Variants in TTC3 observed in about 807,000 individuals in gnomAD.
The protein encoded by TTC3 is E3 ubiquitin-protein ligase TTC3.
Under a neutral mutation model 249.6 loss-of-function variants are expected in TTC3, and 180 were observed. The ratio of observed to expected loss-of-function variants is 0.72; its 90% CI spans 0.64 to 0.82. The LOEUF (loss-of-function observed/expected upper bound fraction) is 0.82, where lower values mean the gene tolerates loss of function less well. Ranked by LOEUF, TTC3 falls within the 40% of genes least tolerant of loss-of-function variation. The pLI is 0.00. For missense variants in TTC3, 2,061 were observed against 2,398.4 expected, an observed-to-expected ratio of 0.86 and a Z score of 2.94; for synonymous variants, 717 against 805.0, an observed-to-expected ratio of 0.89 and a Z score of 1.85.
intron 1 of TTC3, chr21:37,083,237 T>C (rs766777516): frequency 2.6e-5 from 26 of 985,452 alleles, no homozygotes; most frequent in Non-Finnish European, 3.1e-5. Flanking sequence ...CAGTTGGGTA[T>C]GACTGGCTTC....
chr21:37,129,009 C>G, exon 16 of TTC3: 1 of 1,591,396 alleles, frequency 6.3e-7, no homozygotes, highest in Non-Finnish European at 8.5e-7. Flanking sequence ...ACAGGTCAGC[C>G]TCCAAAACAT....
chr21:37,179,637 T>C (rs1395655635), intron 35 of TTC3, among the ~76,000 whole-genome samples: 1 of 152,254 alleles, frequency 6.6e-6, no homozygotes, highest in Non-Finnish European at 1.5e-5. Flanking sequence ...ATATTTTCTC[T>C]ACCAAACTGT....
Position 37,121,805 on chromosome 21 carries a change from T to C in TTC3, c.901-12T>C, listed in dbSNP as rs1281002419. The C allele has an allele frequency of 6.5e-7, 1 of 1,536,262 alleles. No homozygotes were observed. Among genetic ancestry groups the C allele is most frequent in the African/African-American group, 1.4e-5 (1 of 71,540 alleles). On this transcript the variant is annotated splice_polypyrimidine_tract_variant and intron_variant, in intron 11 of 45. Coordinates refer to ENST00000355666, the Ensembl canonical transcript of TTC3. ...TTTTTGAGAAAAAATTAAATTTATC[T>C]TTTTGGAACAGGGTCATTATCGTTA...
intron 21 of TTC3, among the ~76,000 whole-genome samples, chr21:37,145,410 A>T (rs2147983897): frequency 6.6e-6 from 1 of 152,376 alleles, no homozygotes; most frequent in Non-Finnish European, 1.5e-5. Flanking sequence ...ATTAGCTATC[A>T]GAGAAACACA....
chr21:37,087,406 G>A lies in TTC3; in HGVS notation c.144+5G>A. The A allele has an allele frequency of 6.2e-7, 1 of 1,613,262 alleles. No homozygotes were observed. On this transcript the variant is annotated splice_donor_5th_base_variant and intron_variant, in intron 2 of 45. Coordinates refer to ENST00000355666, the Ensembl canonical transcript of TTC3. ...CAGCTTTACTGTGATGGGGTGGTAA[G>A]TAGGTTTGCTAATTTTTCATTTTTG...
At chr21:37,141,003 AT>A (rs1037611235) in intron 20 of TTC3, among the ~76,000 whole-genome samples, 4 of 152,272 alleles carry the variant, frequency 2.6e-5, no homozygotes, top group Middle Eastern at 3.4e-3. Flanking sequence ...TGATTGTTTA[AT>A]TTTTTTGATT....
chr21:37,185,413 G>C (rs2083150576), intron 36 of TTC3, among the ~76,000 whole-genome samples: 1 of 152,192 alleles, frequency 6.6e-6, no homozygotes, highest in Non-Finnish European at 1.5e-5. Context: ...TGATGCCGCA[G>C]TACCTGTGTT....
intron 26 of TTC3, among the ~76,000 whole-genome samples, chr21:37,152,386 T>G (rs2148013483): frequency 6.6e-6 from 1 of 151,752 alleles, no homozygotes; most frequent in East Asian, 1.9e-4. Context: ...GTTGTTTTTT[T>G]TTTTTGTTTT....
At chr21:37,190,685 G>C (rs568650281) in intron 39 of TTC3, among the ~76,000 whole-genome samples, 1 of 152,032 alleles carries the variant, frequency 6.6e-6, no homozygotes, top group Non-Finnish European at 1.5e-5. Context: ...CTTTCTTCAG[G>C]ATGCCATGCT....
intron 11 of TTC3, among the ~76,000 whole-genome samples, chr21:37,113,200 C>T (rs931543621): frequency 6.6e-6 from 1 of 151,084 alleles, no homozygotes; most frequent in Non-Finnish European, 1.5e-5. Context: ...AGGGCAATCA[C>T]GCAGAAGGAA....
chr21:37,135,070 G>C (rs574173916), intron 17 of TTC3, among the ~76,000 whole-genome samples: 2 of 152,204 alleles, frequency 1.3e-5, no homozygotes, highest in African/African-American at 2.4e-5. Context: ...CATATATATT[G>C]TTAAAACTTA....
intron 11 of TTC3, among the ~76,000 whole-genome samples, chr21:37,113,446 GA>G (rs2075853588): frequency 6.6e-6 from 1 of 152,164 alleles, no homozygotes; most frequent in South Asian, 2.1e-4. Flanking sequence ...TTGCTTCAAA[GA>G]GAATAAAATA....
exon 1 of TTC3, chr21:37,073,330 T>TGCTGCC (rs1377506833): frequency 1.4e-6 from 1 of 701,508 alleles, no homozygotes; most frequent in Non-Finnish European, 1.8e-6. Flanking sequence ...CTGCTGCTGC[T>TGCTGCC]GCCCGCGTCC....
rs532966819 is a variant in TTC3 at position 37,113,476 on chromosome 21, A to G, written c.900+5030A>G. On this transcript the variant is annotated intron_variant, in intron 11 of 45. Coordinates refer to ENST00000355666, the Ensembl canonical transcript of TTC3. ...TAAAATACCTAGGAATCCAACTTAC[A>G]AGGGATGTGAAGGACCTCTTCAAGG... Among the ~76,000 whole-genome samples, 222 of 152,338 alleles carry G rather than the reference A, an allele frequency of 1.5e-3. 2 individuals are homozygous for G. The highest frequency in any genetic ancestry group is 4.9e-3 in the African/African-American group (203 of 41,582).
chr21:37,152,921 A>G, intron 26 of TTC3, 30 bp from the exon 27 acceptor site: 1 of 1,500,970 alleles, frequency 6.7e-7, no homozygotes, highest in Non-Finnish European at 8.9e-7. Context: ...AGTCCTATTT[A>G]TCACTTTAAC....
At chr21:37,177,523 G>A (rs1202057719) in intron 35 of TTC3, among the ~76,000 whole-genome samples, 1 of 152,176 alleles carries the variant, frequency 6.6e-6, no homozygotes, top group Non-Finnish European at 1.5e-5. Context: ...TGTGATTGGT[G>A]CCTGCTTCAT....
exon 36 of TTC3, chr21:37,182,875 G>T: frequency 6.3e-7 from 1 of 1,584,004 alleles, no homozygotes; most frequent in South Asian, 1.2e-5. Context: ...TAAAATCACT[G>T]AAGAAGAAAA....
At chr21:37,079,517 GTTTTT>G (rs60361476) in intron 1 of TTC3, among the ~76,000 whole-genome samples, 63,304 of 98,758 alleles carry the variant, frequency 0.64, 17,611 homozygotes, top group Middle Eastern at 0.74. Context: ...TTATGGTATG[GTTTTT>G]TTTTTTTTTT....
intron 7 of TTC3, 118 bp downstream of exon 7, chr21:37,091,531 T>C: frequency 8.8e-6 from 5 of 571,120 alleles, no homozygotes; most frequent in Non-Finnish European, 1.3e-5. Context: ...GTTTTTATTT[T>C]GTTATATATG....
Sources: gnomAD v4.1 joint callset for allele counts (sites outside exome capture counted in the v4.1 genomes callset) on GRCh38, gnomAD v4.1.1 for gene constraint, MANE v1.5 for transcripts, NCBI Gene and HGNC (gene_info 2026-07-23, HGNC 2026-07-21) for gene names.